USP10: variants seen among roughly 807,000 people sequenced by gnomAD.
USP10 encodes the protein ubiquitin carboxyl-terminal hydrolase 10.
Under a neutral mutation model 84.5 loss-of-function variants are expected in USP10, and 22 were observed. The ratio of observed to expected loss-of-function variants is 0.26; its 90% CI spans 0.19 to 0.37. The LOEUF (loss-of-function observed/expected upper bound fraction) is 0.37, where lower values mean the gene tolerates loss of function less well. USP10 is among the 10% of genes least tolerant of loss of function. USP10 has a pLI of 1.00. For missense variants in USP10, 1,019 were observed against 998.9 expected (o/e 1.02, Z -0.27); for synonymous variants, 454 against 387.6 (o/e 1.17, Z -2.01).
rs750414301 is a variant in USP10, at chr16:84,745,661, A to T, written c.1180A>T (p.Ile394Leu). Residue 394 changes from isoleucine to leucine, a missense_variant, in exon 4 of 14, where the codon ATA (isoleucine) becomes TTA (leucine). By Grantham distance (5) the Ile-to-Leu change is conservative (BLOSUM62 2). Around this residue, in one of 2 missense-constraint regions of USP10, gnomAD observed 787 missense variants for 708.8 expected, o/e 1.11. Transcript: ENST00000219473. The stretch of plus-strand genomic sequence containing the variant: ...TCCGGTTTCAGAGGATCCTGTAGCC[A>T]TAAAGATTGCAGGTATAGTTGAAAA... The part of the protein sequence containing the change: ...LVPVSEDPVA[I>L]KIAELLENVT... The T allele has an allele frequency of 1.2e-6, 2 of 1,610,452 alleles. No individual in the cohort carries two copies. The highest frequency in any genetic ancestry group is 1.7e-6 in the Non-Finnish European group (2 of 1,178,172).
At chr16:84,756,863 A>G (rs1046528109) in intron 4 of USP10, among the ~76,000 whole-genome samples, 1 of 152,220 alleles carries the variant, frequency 6.6e-6, no homozygotes, top group African/African-American at 2.4e-5. Flanking sequence ...AAATGTAAAA[A>G]TCCACTGTCA....
At chr16:84,714,040 C>G (rs114912889) in intron 1 of USP10, among the ~76,000 whole-genome samples, 1,719 of 152,268 alleles carry the variant, frequency 0.011, 30 homozygotes, top group African/African-American at 0.038. Context: ...AAGGCTTTTC[C>G]TGGGCACCAG....
At position 84,733,511 on chromosome 16, in the gene USP10, A is replaced by C. The variant is rs758644776; in HGVS notation, c.90+8A>C. 2.6e-5 allele frequency: 41 copies of C among 1,605,702 alleles called. No homozygotes were observed. Among genetic ancestry groups the C allele is most frequent in the Non-Finnish European group, 3.5e-5 (41 of 1,176,642 alleles). The stretch of plus-strand genomic sequence containing the variant: ...CCTCGATCTTCAGTTGAGGTAAGAC[A>C]AAACTTTGTTTTAGTGAGTCCGTGG... On this transcript the variant is annotated splice_region_variant and intron_variant, in intron 2 of 13. Coordinates refer to ENST00000219473, the MANE Select transcript of USP10 (RefSeq NM_005153.3).
chr16:84,700,216 G>A (rs1208123864), intron 1 of USP10, 105 bp downstream of exon 1: 3 of 918,538 alleles, frequency 3.3e-6, no homozygotes, highest in Admixed American at 5.2e-5. Flanking sequence ...GCGTGTGGGA[G>A]TGGGGGAGGG....
At chr16:84,740,179 T>C (rs1910461017) in intron 2 of USP10, 130 bp from the exon 3 acceptor site, 1 of 712,676 alleles carries the variant, frequency 1.4e-6, no homozygotes, top group Non-Finnish European at 2.3e-6. Flanking sequence ...TGTATGTTAT[T>C]CTGCTAGAAG....
At chr16:84,706,200 A>G (rs1905481382) in intron 1 of USP10, among the ~76,000 whole-genome samples, 1 of 151,816 alleles carries the variant, frequency 6.6e-6, no homozygotes, top group African/African-American at 2.4e-5. Flanking sequence ...TCATTCTGCA[A>G]GTATCAGTCT....
intron 1 of USP10, among the ~76,000 whole-genome samples, chr16:84,705,731 T>C (rs1905403512): frequency 1.4e-5 from 2 of 144,026 alleles, no homozygotes; most frequent in Admixed American, 1.4e-4. Context: ...TTTTTTTTTT[T>C]TTTTTTTTGA....
intron 2 of USP10, among the ~76,000 whole-genome samples, chr16:84,737,471 G>A (rs778683322): frequency 1.1e-4 from 17 of 152,358 alleles, no homozygotes; most frequent in Non-Finnish European, 2.2e-4. Flanking sequence ...TCTGATGTGT[G>A]AGGGAGGTTT....
chr16:84,702,719 G>A (rs901910336), intron 1 of USP10, among the ~76,000 whole-genome samples: 2 of 152,100 alleles, frequency 1.3e-5, no homozygotes. Flanking sequence ...ACAGGCCAGC[G>A]CGGTGGCTCG....
chr16:84,779,105 GCC>G lies in USP10; in HGVS notation c.*25_*26del. ...TAAACCCTGTGTGCGCTGTGTGTGCGCCCAGTGCCCGCTTCGTAGGACACCAC... is the reference window on the plus strand; with the variant it reads ...TAAACCCTGTGTGCGCTGTGTGTGCGCAGTGCCCGCTTCGTAGGACACCAC... On this transcript the variant is annotated 3_prime_UTR_variant, in exon 14 of 14. Coordinates refer to ENST00000219473, the MANE Select transcript of USP10 (RefSeq NM_005153.3). 6.3e-7 allele frequency: 1 copy of G among 1,596,316 alleles called. No homozygotes were observed.
intron 3 of USP10, among the ~76,000 whole-genome samples, chr16:84,744,228 G>C (rs562969124): frequency 2.4e-4 from 37 of 152,050 alleles, no homozygotes; most frequent in Non-Finnish European, 2.9e-4. Flanking sequence ...AAGTCCCTAA[G>C]TTAGTTGTCA....
chr16:84,743,054 C>A (rs79054764), intron 3 of USP10, among the ~76,000 whole-genome samples: 1 of 152,200 alleles, frequency 6.6e-6, no homozygotes, highest in Non-Finnish European at 1.5e-5. Context: ...CCGTTTCAAT[C>A]TGGGGAGCCT....
intron 1 of USP10, among the ~76,000 whole-genome samples, chr16:84,731,274 C>T (rs917321031): frequency 4.6e-5 from 7 of 151,512 alleles, no homozygotes; most frequent in South Asian, 4.2e-4. Flanking sequence ...CCACCGCTCC[C>T]GGCCTCTACT....
rs557523600 is a variant in USP10 at position 84,752,196 on chromosome 16, A to G, written c.1193-6520A>G. ...TCTGGCATTTTGTGCCTTTTCTCACACATTGTTCTAGGCAGCCCCACCAAC... is the reference window on the plus strand; with the variant it reads ...TCTGGCATTTTGTGCCTTTTCTCACGCATTGTTCTAGGCAGCCCCACCAAC... On this transcript the variant is annotated intron_variant, in intron 4 of 13. Coordinates refer to ENST00000219473, the MANE Select transcript of USP10 (RefSeq NM_005153.3). Among the ~76,000 whole-genome samples the G allele has an allele frequency of 2.0e-5, 3 of 152,294 alleles. No homozygotes were observed. In the South Asian group the frequency reaches 6.2e-4, roughly 32 times the overall value.
intron 4 of USP10, among the ~76,000 whole-genome samples, chr16:84,751,537 C>T (rs1433049579): frequency 7.2e-5 from 11 of 152,138 alleles, no homozygotes; most frequent in Admixed American, 6.6e-4. Flanking sequence ...ACATCTGATT[C>T]GATGTTTGTA....
Position 84,759,399 on chromosome 16 carries a change from C to T in USP10, c.1321C>T (p.His441Tyr). 6.2e-7 allele frequency: 1 copy of T among 1,613,970 alleles called. No homozygotes were observed. The change falls in exon 6 of 14, where the codon CAC becomes TAC. Residue 441 changes from histidine (H) to tyrosine (Y), a missense_variant. This residue lies in a region of USP10 where 787 missense variants were observed against 708.8 expected (regional missense o/e 1.11). Transcript: ENST00000219473. ...QALVACPPMYHLMKFIPLYSK... is the reference protein window; with the variant it reads ...QALVACPPMYYLMKFIPLYSK... The stretch of plus-strand genomic sequence containing the variant: ...ATTGGTTGCTTGCCCGCCGATGTAC[C>T]ACCTGATGAAGTTCATTCCTCTGTA...
At chr16:84,702,745 C>T (rs1261856380) in intron 1 of USP10, among the ~76,000 whole-genome samples, 3 of 151,988 alleles carry the variant, frequency 2.0e-5, no homozygotes, top group Non-Finnish European at 4.4e-5. Context: ...GTAATCCCAG[C>T]ACTTTGGGAG....
intron 1 of USP10, among the ~76,000 whole-genome samples, chr16:84,729,759 G>A (rs1056516174): frequency 6.6e-6 from 1 of 152,200 alleles, no homozygotes; most frequent in Non-Finnish European, 1.5e-5. Flanking sequence ...TATTTTGATG[G>A]AGTTGTTTTT....
Position 84,764,360 on chromosome 16 carries a change from G to C in USP10, c.1832+97G>C. ...TGTGAGGCTTGTTTTGAGACTTCTT[G>C]GACGTAATGGTTTGCATCTTGCTCC... On this transcript the variant is annotated intron_variant, in intron 10 of 13. Transcript: ENST00000219473. The C allele has an allele frequency of 5.3e-6, 8 of 1,505,216 alleles. No individual in the cohort carries two copies. In the South Asian group the frequency reaches 9.1e-5, roughly 17 times the overall value. 93.2% of individuals were successfully genotyped at this position (1,505,216 alleles called of 1,614,324 possible).
Sources: gnomAD v4.1 joint callset for allele counts (sites outside exome capture counted in the v4.1 genomes callset) on GRCh38, gnomAD v4.1.1 for gene constraint, gnomAD v4.1.1 regional missense constraint, MANE v1.5 for transcripts, NCBI Gene and HGNC (gene_info 2026-07-23, HGNC 2026-07-21) for gene names.